Variants in PTPRD observed in about 807,000 individuals in gnomAD.
PTPRD encodes receptor-type tyrosine-protein phosphatase delta.
In PTPRD, 34 loss-of-function variants were observed where a neutral mutation model predicts 214.5. The ratio of observed to expected loss-of-function variants is 0.16; its 90% CI spans 0.12 to 0.21. The LOEUF (loss-of-function observed/expected upper bound fraction) is 0.21. PTPRD is among the 10% of genes least tolerant of loss of function. The pLI is 1.00. For synonymous variants in PTPRD, 1,128 were observed against 845.7 expected (o/e 1.33, Z -5.79); for missense variants, 2,545 against 2,398.7 (o/e 1.06, Z -1.27).
chr9:8,999,261 G>A (rs1219619510), intron 11 of PTPRD, among the ~76,000 whole-genome samples: 1 of 151,950 alleles, frequency 6.6e-6, no homozygotes, highest in African/African-American at 2.4e-5. Flanking sequence ...GTAAATTGAT[G>A]TGCAATTGAT....
intron 2 of PTPRD, among the ~76,000 whole-genome samples, chr9:10,487,952 C>T (rs961419310): frequency 8.8e-5 from 13 of 147,212 alleles, no homozygotes; most frequent in South Asian, 2.2e-4. Flanking sequence ...CTTAATTTCT[C>T]CCAAATGAAC....
chr9:10,396,829 T>G (rs564534846), intron 2 of PTPRD, among the ~76,000 whole-genome samples: 1 of 152,128 alleles, frequency 6.6e-6, no homozygotes, highest in South Asian at 2.1e-4. Flanking sequence ...CAGTATAAAT[T>G]GGCCCAGTGG....
At chr9:9,358,406 T>C (rs961736234) in intron 9 of PTPRD, among the ~76,000 whole-genome samples, 2 of 151,348 alleles carry the variant, frequency 1.3e-5, no homozygotes, top group Admixed American at 6.6e-5. Context: ...ATACCAGGTA[T>C]CTTGCTATGT....
At chr9:9,070,715 C>T (rs1437430453) in intron 10 of PTPRD, among the ~76,000 whole-genome samples, 1 of 152,194 alleles carries the variant, frequency 6.6e-6, no homozygotes, top group Admixed American at 6.5e-5. Context: ...ATCCTATAAT[C>T]ACTGCACTTT....
At chr9:9,702,136 G>C (rs991227211) in intron 7 of PTPRD, among the ~76,000 whole-genome samples, 1 of 151,914 alleles carries the variant, frequency 6.6e-6, no homozygotes, top group Admixed American at 6.6e-5. Flanking sequence ...AAGAGAGAGA[G>C]AGAGAGAAAG....
At chr9:10,118,219 T>TCTAC (rs937525242) in intron 3 of PTPRD, among the ~76,000 whole-genome samples, 1 of 151,572 alleles carries the variant, frequency 6.6e-6, no homozygotes, top group African/African-American at 2.4e-5. Context: ...TATCTATCTA[T>TCTAC]CTATCTATCT....
At chr9:9,065,552 G>A (rs943359265) in intron 10 of PTPRD, among the ~76,000 whole-genome samples, 6 of 152,198 alleles carry the variant, frequency 3.9e-5, no homozygotes, top group African/African-American at 1.4e-4. Flanking sequence ...ATGTGAAGCT[G>A]ACAGGGGTTT....
At chr9:10,311,648 A>G (rs76948491) in intron 3 of PTPRD, among the ~76,000 whole-genome samples, 3,196 of 152,178 alleles carry the variant, frequency 0.021, 125 homozygotes, top group African/African-American at 0.073. Flanking sequence ...ATTAAAGCAC[A>G]TAAAGCTACC....
intron 2 of PTPRD, among the ~76,000 whole-genome samples, chr9:10,554,990 T>C (rs1022382850): frequency 6.6e-6 from 1 of 152,200 alleles, no homozygotes; most frequent in Non-Finnish European, 1.5e-5. Context: ...ATGTCTACCA[T>C]TTAGATAAGA....
intron 12 of PTPRD, among the ~76,000 whole-genome samples, chr9:8,731,975 G>A (rs2098664363): frequency 6.6e-6 from 1 of 152,166 alleles, no homozygotes; most frequent in Non-Finnish European, 1.5e-5. Flanking sequence ...AAGGTTGAAA[G>A]CTGGTATCAC....
In PTPRD at chr9:8,317,209, A is replaced by C. The variant is rs1197166942; in HGVS notation, c.*665T>G. 1.3e-5 allele frequency: 3 copies of C among 231,890 alleles called. No individual in the cohort carries two copies. The highest frequency in any genetic ancestry group is 1.7e-5 in the Non-Finnish European group (2 of 117,092). 14.4% of individuals were successfully genotyped at this position (231,890 alleles called of 1,614,324 possible). ...ATTTCTACAGCAAGATATTACAGATAACAGTTCTACAGCTTAAAAAAACCT... is the reference window on the plus strand; with the variant it reads ...ATTTCTACAGCAAGATATTACAGATCACAGTTCTACAGCTTAAAAAAACCT... On this transcript the variant is annotated 3_prime_UTR_variant, in exon 46 of 46. Transcript: ENST00000381196.
chr9:9,393,669 C>G (rs1035971924), intron 9 of PTPRD, among the ~76,000 whole-genome samples: 1 of 152,114 alleles, frequency 6.6e-6, no homozygotes, highest in African/African-American at 2.4e-5. Context: ...GGGTTAAATT[C>G]AGCCTCCATT....
chr9:10,586,628 G>A (rs952400991), intron 2 of PTPRD, among the ~76,000 whole-genome samples: 4 of 151,950 alleles, frequency 2.6e-5, no homozygotes, highest in East Asian at 1.9e-4. Flanking sequence ...GTTTGCTTGC[G>A]GGCATAAGAC....
intron 8 of PTPRD, among the ~76,000 whole-genome samples, chr9:9,477,129 G>C (rs1265528276): frequency 6.6e-6 from 1 of 152,192 alleles, no homozygotes; most frequent in Non-Finnish European, 1.5e-5. Context: ...AATGGTCCAA[G>C]AATGTAGGCC....
At chr9:10,582,780 T>C (rs2072405290) in intron 2 of PTPRD, among the ~76,000 whole-genome samples, 1 of 152,164 alleles carries the variant, frequency 6.6e-6, no homozygotes, top group South Asian at 2.1e-4. Flanking sequence ...CACACACCAT[T>C]GAGATAAATA....
chr9:10,277,088 T>C (rs1330641921), intron 3 of PTPRD, among the ~76,000 whole-genome samples: 1 of 152,214 alleles, frequency 6.6e-6, no homozygotes, highest in Non-Finnish European at 1.5e-5. Flanking sequence ...TGATTCATCA[T>C]GTTTATAGCC....
chr9:9,065,650 A>G (rs1026491104), intron 10 of PTPRD, among the ~76,000 whole-genome samples: 5 of 152,170 alleles, frequency 3.3e-5, no homozygotes, highest in Admixed American at 3.3e-4. Flanking sequence ...ATTACAAGCT[A>G]TGATGGAAGA....
At chr9:9,719,518 C>G (rs1175463591) in intron 7 of PTPRD, among the ~76,000 whole-genome samples, 1 of 150,364 alleles carries the variant, frequency 6.7e-6, no homozygotes, top group African/African-American at 2.5e-5. Flanking sequence ...CTGCTGGTAC[C>G]AGGCAGCTTC....
At chr9:8,755,094 T>A (rs1184356970) in intron 11 of PTPRD, among the ~76,000 whole-genome samples, 1 of 152,122 alleles carries the variant, frequency 6.6e-6, no homozygotes, top group African/African-American at 2.4e-5. Flanking sequence ...AAAACTCATA[T>A]ACTGCTGGTT....
Sources: gnomAD v4.1 joint callset for allele counts (sites outside exome capture counted in the v4.1 genomes callset) on GRCh38, gnomAD v4.1.1 for gene constraint, MANE v1.5 for transcripts, NCBI Gene and HGNC (gene_info 2026-07-23, HGNC 2026-07-21) for gene names.